Variants in LAMA2 observed in about 807,000 individuals in gnomAD.
The protein encoded by LAMA2 is laminin subunit alpha-2.
In LAMA2, 269 loss-of-function variants were observed where a neutral mutation model predicts 364.8. That is an observed-to-expected ratio of 0.74 (90% CI 0.67 to 0.82). The LOEUF (loss-of-function observed/expected upper bound fraction) is 0.82, where lower values mean the gene tolerates loss of function less well. Among genes scored for constraint, LAMA2 ranks in the 40% least tolerant of loss-of-function variants. LAMA2 has a pLI of 0.00. For synonymous variants in LAMA2, 1,379 were observed against 1,370.6 expected (o/e 1.01, Z -0.14); for missense variants, 3,807 against 3,873.2 (o/e 0.98, Z 0.45).
At chr6:129,469,392 C>A (rs1156829750) in intron 51 of LAMA2, among the ~76,000 whole-genome samples, 1 of 151,746 alleles carries the variant, frequency 6.6e-6, no homozygotes, top group Non-Finnish European at 1.5e-5. Flanking sequence ...ATAAATCCAC[C>A]ATGTGATACC....
At chr6:129,032,117 C>A (rs1786273734) in intron 1 of LAMA2, among the ~76,000 whole-genome samples, 1 of 152,208 alleles carries the variant, frequency 6.6e-6, no homozygotes, top group African/African-American at 2.4e-5. Context: ...CAGGCCCATC[C>A]TCTGATATGA....
Position 129,223,291 on chromosome 6 carries a change from T to C in LAMA2, c.1783-26821T>C, listed in dbSNP as rs142298987. The stretch of plus-strand genomic sequence containing the variant: ...CAAAAATCTTCTCCCATTCTGTAGG[T>C]TGCCTGTTCACTCTGATGGTAGTTT... On this transcript the variant is annotated intron_variant, in intron 12 of 64. Transcript: ENST00000421865. 9.2e-3 allele frequency among the ~76,000 whole-genome samples: 1,398 copies of C among 152,250 alleles called. 13 individuals are homozygous for C. Among genetic ancestry groups the C allele is most frequent in the African/African-American group, 0.032 (1,329 of 41,550 alleles).
intron 9 of LAMA2, among the ~76,000 whole-genome samples, chr6:129,177,356 G>C (rs1466756578): frequency 6.6e-6 from 1 of 152,132 alleles, no homozygotes; most frequent in African/African-American, 2.4e-5. Flanking sequence ...TTTTGCATTT[G>C]TTACTGCTTA....
intron 17 of LAMA2, among the ~76,000 whole-genome samples, chr6:129,278,598 C>T (rs1382628981): frequency 2.6e-5 from 4 of 152,066 alleles, no homozygotes; most frequent in Admixed American, 6.6e-5. Context: ...TTGGGTCATG[C>T]GTAGCAAAGT....
chr6:129,502,819 T>G (rs746730047), intron 59 of LAMA2, 48 bp downstream of exon 59: 1 of 1,220,158 alleles, frequency 8.2e-7, no homozygotes, highest in Non-Finnish European at 1.2e-6. Context: ...AATGAAGAAC[T>G]GAGTATTTGT....
chr6:128,944,638 G>GAAA (rs77605926), intron 1 of LAMA2, among the ~76,000 whole-genome samples: 2 of 96,830 alleles, frequency 2.1e-5, no homozygotes, highest in Non-Finnish European at 4.5e-5. Context: ...GCTAAAAGTA[G>GAAA]AAAAAAAAAA....
At chr6:129,245,365 A>G (rs377241688) in intron 12 of LAMA2, among the ~76,000 whole-genome samples, 11 of 152,284 alleles carry the variant, frequency 7.2e-5, no homozygotes, top group African/African-American at 2.6e-4. Flanking sequence ...TCTAGCCAAG[A>G]GAACAATGAC....
At chr6:129,376,091 T>C (rs1475472206) in intron 34 of LAMA2, among the ~76,000 whole-genome samples, 1 of 152,232 alleles carries the variant, frequency 6.6e-6, no homozygotes, top group Admixed American at 6.5e-5. Context: ...CCTTAAATTG[T>C]ACTATGGCTT....
chr6:128,986,281 A>G (rs1236384921), intron 1 of LAMA2, among the ~76,000 whole-genome samples: 1 of 151,802 alleles, frequency 6.6e-6, no homozygotes, highest in Non-Finnish European at 1.5e-5. Context: ...TGTTTTGCAT[A>G]TTTCCTGTCC....
intron 29 of LAMA2, among the ~76,000 whole-genome samples, chr6:129,330,598 G>GTT (rs1554273762): frequency 0.014 from 1,254 of 88,608 alleles, 26 homozygotes; most frequent in African/African-American, 0.033. Context: ...TTTGGTTTTT[G>GTT]TTTTTTTTTT....
chr6:129,450,189 A>G (rs1215516192), intron 45 of LAMA2, among the ~76,000 whole-genome samples: 2 of 152,098 alleles, frequency 1.3e-5, no homozygotes, highest in Non-Finnish European at 2.9e-5. Context: ...TACCTAAGCA[A>G]TGACTGAAAT....
chr6:129,258,031 C>A (rs1289407765), intron 14 of LAMA2, among the ~76,000 whole-genome samples: 1 of 152,012 alleles, frequency 6.6e-6, no homozygotes, highest in African/African-American at 2.4e-5. Context: ...TCCGTCCACC[C>A]ATCCATCCAT....
At chr6:129,006,970 C>T (rs897882468) in intron 1 of LAMA2, among the ~76,000 whole-genome samples, 1 of 152,088 alleles carries the variant, frequency 6.6e-6, no homozygotes, top group African/African-American at 2.4e-5. Context: ...TTAAGAATTT[C>T]CTGAAGCTCT....
intron 1 of LAMA2, among the ~76,000 whole-genome samples, chr6:128,889,951 C>T (rs887766220): frequency 2.0e-5 from 3 of 152,092 alleles, no homozygotes; most frequent in African/African-American, 4.8e-5. Context: ...TTCATAATAT[C>T]GGCCTCTGTG....
At chr6:129,340,949 A>G (rs1159583756) in intron 29 of LAMA2, among the ~76,000 whole-genome samples, 1 of 152,220 alleles carries the variant, frequency 6.6e-6, no homozygotes, top group Non-Finnish European at 1.5e-5. Flanking sequence ...AAATGTCACA[A>G]TATAATTTCA....
chr6:129,293,997 G>A (rs1789902817), intron 20 of LAMA2, among the ~76,000 whole-genome samples: 1 of 152,164 alleles, frequency 6.6e-6, no homozygotes, highest in South Asian at 2.1e-4. Flanking sequence ...GAGGGTTTAT[G>A]TCTGCTTACG....
chr6:129,440,316 C>G (rs1471860027), intron 42 of LAMA2, among the ~76,000 whole-genome samples: 3 of 151,894 alleles, frequency 2.0e-5, no homozygotes, highest in East Asian at 1.9e-4. Context: ...TTTCATGTCC[C>G]TTTTTCAGTA....
At chr6:129,132,431 G>A (rs188777311) in intron 4 of LAMA2, among the ~76,000 whole-genome samples, 452 of 152,254 alleles carry the variant, frequency 3.0e-3, no homozygotes, top group Middle Eastern at 0.01. Flanking sequence ...CTCCCAAAGT[G>A]CTGGGATTAC....
chr6:129,080,735 AG>A (rs1464172870), intron 3 of LAMA2, among the ~76,000 whole-genome samples: 4 of 152,238 alleles, frequency 2.6e-5, no homozygotes, highest in African/African-American at 9.6e-5. Flanking sequence ...TTAAAAAGTC[AG>A]GAAACAACAG....
Sources: allele counts gnomAD v4.1 joint callset (sites outside exome capture counted in the v4.1 genomes callset), GRCh38; gene constraint gnomAD v4.1.1; transcripts MANE v1.5; gene names NCBI Gene and HGNC (gene_info 2026-07-23, HGNC 2026-07-21).